The following SH3BP2 variants were observed in gnomAD, a reference collection of about 807,000 sequenced individuals.
The protein encoded by SH3BP2 is SH3 domain-binding protein 2.
In SH3BP2, 38 loss-of-function variants were observed where a neutral mutation model predicts 56.2. That is an observed-to-expected ratio of 0.68 (90% CI 0.52 to 0.89). SH3BP2 has a LOEUF of 0.89. SH3BP2 is among the 40% of genes least tolerant of loss of function. The pLI, the probability that SH3BP2 is intolerant of heterozygous loss-of-function variation, is 0.00. For missense variants in SH3BP2, 748 were observed against 762.6 expected (o/e 0.98, Z 0.23); for synonymous variants, 346 against 316.7 (o/e 1.09, Z -0.98).
At chr4:2,800,630 G>C (rs564753503) in intron 1 of SH3BP2, among the ~76,000 whole-genome samples, 1 of 152,238 alleles carries the variant, frequency 6.6e-6, no homozygotes, top group South Asian at 2.1e-4. Flanking sequence ...CCCGTGCCAG[G>C]GGTGGGTGCA....
At chr4:2,833,552 C>T (rs1725113549) in intron 12 of SH3BP2, 145 bp from the exon 13 acceptor site, 1 of 1,043,272 alleles carries the variant, frequency 9.6e-7, no homozygotes, top group Non-Finnish European at 1.4e-6. Context: ...GCGGAGGCCA[C>T]CTTGGGGGCA....
At chr4:2,800,383 C>G (rs56292266) in intron 1 of SH3BP2, among the ~76,000 whole-genome samples, 1 of 152,154 alleles carries the variant, frequency 6.6e-6, no homozygotes, top group Non-Finnish European at 1.5e-5. Flanking sequence ...ACCTCCCTGT[C>G]TGATGCAGCC....
At chr4:2,796,676 T>C (rs1344435224) in intron 1 of SH3BP2, 2 of 154,142 alleles carry the variant, frequency 1.3e-5, no homozygotes, top group Admixed American at 1.3e-4. Context: ...CTCTGCTTCC[T>C]TGTGAATCAG....
intron 1 of SH3BP2, chr4:2,818,135 G>A: frequency 1.2e-6 from 1 of 807,284 alleles, no homozygotes; most frequent in South Asian, 5.6e-5. Context: ...GGGCGGGGCC[G>A]GGAGGGGCGC....
At position 2,829,594 on chromosome 4, in the gene SH3BP2, G is replaced by A; in HGVS notation, c.688G>A (p.Gly230Ser). ...CCGGGCCCACTCCTTTACCTCCAAG[G>A]GCCCCGGTCCCCTACTGCCACCCCC... ...MPRAHSFTSKGPGPLLPPPPP... is the reference protein window; with the variant it reads ...MPRAHSFTSKSPGPLLPPPPP... The change falls in exon 8 of 13, where the codon GGC becomes AGC. Residue 230 changes from glycine (G) to serine (S), a missense_variant. Gly to Ser is a moderately conservative substitution (Grantham distance 56). This residue lies in a region of SH3BP2 where 635 missense variants were observed against 615.0 expected (regional missense o/e 1.03). Coordinates refer to ENST00000503393, the MANE Select transcript of SH3BP2 (RefSeq NM_001122681.2). The surrounding 1 kb of genome is among the most constrained non-coding windows in gnomAD (Gnocchi z 4.9). The A allele has an allele frequency of 6.2e-7, 1 of 1,612,748 alleles. No homozygotes were observed. Among genetic ancestry groups the A allele is most frequent in the Non-Finnish European group, 8.5e-7 (1 of 1,179,566 alleles).
chr4:2,793,522 G>A (rs956903848), intron 1 of SH3BP2, among the ~76,000 whole-genome samples: 1 of 151,652 alleles, frequency 6.6e-6, no homozygotes, highest in African/African-American at 2.4e-5. Flanking sequence ...GGCGGGGGCC[G>A]GGTGTCCCTT....
At position 2,826,686 on chromosome 4, in the gene SH3BP2, A is replaced by G. The variant is rs1027254594; in HGVS notation, c.429-544A>G. ...TTGCTCTGTGTGTGTGCATGTCCTC[A>G]TGTTGCTCTGTGTGTGTGTGCATGT... is the stretch of plus-strand genomic sequence containing the variant. On this transcript the variant is annotated intron_variant, in intron 5 of 12. Transcript: ENST00000503393. 33 of 288,100 alleles carry G rather than the reference A, an allele frequency of 1.1e-4. No homozygotes were observed. In the East Asian group the frequency reaches 1.5e-3, roughly 13 times the overall value. 17.8% of individuals were successfully genotyped at this position (288,100 alleles called of 1,614,324 possible).
chr4:2,805,524 C>T (rs1342899626), intron 1 of SH3BP2, among the ~76,000 whole-genome samples: 1 of 152,222 alleles, frequency 6.6e-6, no homozygotes, highest in Non-Finnish European at 1.5e-5. Context: ...TCTGTTCATG[C>T]TGCAGGAGGC....
At chr4:2,798,358 A>C (rs577885328) in intron 1 of SH3BP2, among the ~76,000 whole-genome samples, 1 of 152,312 alleles carries the variant, frequency 6.6e-6, no homozygotes, top group East Asian at 1.9e-4. Context: ...AGGCAAGTCC[A>C]AGCAAAAGGC....
chr4:2,822,530 C>T (rs976909192), intron 2 of SH3BP2, among the ~76,000 whole-genome samples: 3 of 152,216 alleles, frequency 2.0e-5, no homozygotes, highest in African/African-American at 7.2e-5. Flanking sequence ...CCACTGCACC[C>T]GGCCTTAGTC....
intron 5 of SH3BP2, 90 bp from the exon 6 acceptor site, chr4:2,827,140 C>T (rs41264715): frequency 0.04 from 37,887 of 952,342 alleles, 949 homozygotes; most frequent in Non-Finnish European, 0.049. Flanking sequence ...TCCATGTATC[C>T]GCGTGTGCCT....
At chr4:2,827,080 C>A in intron 5 of SH3BP2, 150 bp from the exon 6 acceptor site, 1 of 712,416 alleles carries the variant, frequency 1.4e-6, no homozygotes, top group Non-Finnish European at 2.5e-6. Flanking sequence ...TCAGCTTAAC[C>A]ATGTGTGCAT....
intron 1 of SH3BP2, among the ~76,000 whole-genome samples, chr4:2,813,745 G>C (rs558340207): frequency 6.6e-6 from 1 of 152,340 alleles, no homozygotes; most frequent in South Asian, 2.1e-4. Flanking sequence ...ATATGGGTGT[G>C]AGTGTGCACG....
chr4:2,824,470 C>T (rs1724480892), intron 3 of SH3BP2, 143 bp from the exon 4 acceptor site: 4 of 662,798 alleles, frequency 6.0e-6, no homozygotes, highest in South Asian at 4.7e-5. Flanking sequence ...CTACTGGGAG[C>T]ATCAGCAGCC....
Position 2,839,380 on chromosome 4 carries a change from G to A in SH3BP2, c.*5546G>A, listed in dbSNP as rs756069512. 2 of 151,914 alleles carry A rather than the reference G, an allele frequency of 1.3e-5. No individual in the cohort carries two copies. Among genetic ancestry groups the A allele is most frequent in the Non-Finnish European group, 2.9e-5 (2 of 67,982 alleles). The allele number at this position is 151,914 out of a possible 1,614,324, so 9.4% of individuals were successfully genotyped here. ...GAGACGGGTTTCATCATGTTATGCA[G>A]GCTGCTCTCAAACTCTTGAGCTCAA... On this transcript the variant is annotated 3_prime_UTR_variant, in exon 13 of 13. Coordinates refer to ENST00000503393, the MANE Select transcript of SH3BP2 (RefSeq NM_001122681.2).
At chr4:2,830,815 G>C (rs1312442715) in intron 8 of SH3BP2, among the ~76,000 whole-genome samples, 1 of 152,358 alleles carries the variant, frequency 6.6e-6, no homozygotes, top group African/African-American at 2.4e-5. Context: ...GGAACTGGAG[G>C]GGCAGGTTTC....
At chr4:2,817,874 G>T (rs919460476) in intron 1 of SH3BP2, 1 of 152,318 alleles carries the variant, frequency 6.6e-6, no homozygotes. Flanking sequence ...GGCCCGGCGG[G>T]ATGGGACCTG....
chr4:2,801,298 G>T (rs958728829), intron 1 of SH3BP2, among the ~76,000 whole-genome samples: 3 of 152,226 alleles, frequency 2.0e-5, no homozygotes, highest in African/African-American at 7.2e-5. Context: ...GGGCCACGCT[G>T]AGGGTGAGGA....
chr4:2,832,504 C>G, intron 11 of SH3BP2, 92 bp downstream of exon 11: 1 of 933,746 alleles, frequency 1.1e-6, no homozygotes, highest in East Asian at 2.4e-5. Flanking sequence ...TCCTAAACCA[C>G]TCCCCTTGTG....
Sources: gnomAD v4.1 joint callset for allele counts (sites outside exome capture counted in the v4.1 genomes callset) on GRCh38, gnomAD v4.1.1 for gene constraint, gnomAD v4.1.1 regional missense constraint, Gnocchi (gnomAD v3.1) non-coding constraint, MANE v1.5 for transcripts, NCBI Gene and HGNC (gene_info 2026-07-23, HGNC 2026-07-21) for gene names.